RPAIN: variants seen among roughly 807,000 people sequenced by gnomAD.
RPAIN encodes the protein RPA-interacting protein.
Under a neutral mutation model 30.5 loss-of-function variants are expected in RPAIN, and 29 were observed. That is an observed-to-expected ratio of 0.95 (90% CI 0.71 to 1.30). The LOEUF (loss-of-function observed/expected upper bound fraction) is 1.30. RPAIN is among the 50% of genes most tolerant of loss of function. The pLI is 0.00. For synonymous variants in RPAIN, 101 were observed against 93.5 expected, an observed-to-expected ratio of 1.08 and a Z score of -0.46; for missense variants, 247 against 264.7, an observed-to-expected ratio of 0.93 and a Z score of 0.46.
intron 6 of RPAIN, chr17:5,431,893 AT>A (rs558888301): frequency 1.2e-4 from 38 of 322,530 alleles, no homozygotes; most frequent in South Asian, 9.4e-4. Context: ...CTACTGTTTA[AT>A]TATTGGAACG....
Position 5,428,573 on chromosome 17 carries a change from A to C in RPAIN, c.630+362A>C, listed in dbSNP as rs139101571. 282 of 1,161,286 alleles carry C rather than the reference A, an allele frequency of 2.4e-4. 1 individual carries two copies. The African/African-American group carries it at 4.0e-3, about 16-fold the overall frequency. 71.9% of individuals were successfully genotyped at this position (1,161,286 alleles called of 1,614,324 possible). Reference sequence around the variant, plus strand: ...CTTTTGCGGAAGGAAACAGGGCAGAAGCATAGCAGGGCAGCATTAGGTTTG... The same window carrying C: ...CTTTTGCGGAAGGAAACAGGGCAGACGCATAGCAGGGCAGCATTAGGTTTG... On this transcript the variant is annotated intron_variant, in intron 6 of 6. Coordinates refer to ENST00000381209, the MANE Select transcript of RPAIN (RefSeq NM_001033002.4).
At chr17:5,431,261 A>G (rs1029592760) in intron 6 of RPAIN, 27 of 357,056 alleles carry the variant, frequency 7.6e-5, no homozygotes, top group African/African-American at 5.1e-4. Context: ...CTGAGGTGGG[A>G]GGATCACTTG....
chr17:5,432,384 G>GGGGC, intron 6 of RPAIN, 158 bp from the exon 7 acceptor site: 1 of 660,516 alleles, frequency 1.5e-6, no homozygotes, highest in Non-Finnish European at 2.7e-6. Context: ...ATGCCAAAGA[G>GGGGC]GGGCGGTCAT....
At chr17:5,423,723 T>A (rs1371787183) in intron 3 of RPAIN, among the ~76,000 whole-genome samples, 3 of 152,144 alleles carry the variant, frequency 2.0e-5, no homozygotes, top group Non-Finnish European at 4.4e-5. Flanking sequence ...AGTCATTTAT[T>A]CCATGTAGCC....
intron 4 of RPAIN, 28 bp from the exon 5 acceptor site, chr17:5,426,208 T>A (rs757051670): frequency 5.6e-6 from 9 of 1,612,148 alleles, no homozygotes; most frequent in Admixed American, 1.7e-5. Flanking sequence ...GTGGCCATGA[T>A]GCTCTGGGAT....
intron 6 of RPAIN, chr17:5,430,969 T>C (rs2151672117): frequency 6.2e-6 from 1 of 160,634 alleles, no homozygotes; most frequent in Non-Finnish European, 1.4e-5. Flanking sequence ...AATTGCCAAG[T>C]GTACAGCTTC....
At chr17:5,420,836 G>T (rs1443221877) in intron 1 of RPAIN, among the ~76,000 whole-genome samples, 3 of 152,172 alleles carry the variant, frequency 2.0e-5, no homozygotes, top group Non-Finnish European at 2.9e-5. Flanking sequence ...CACGTCTCGG[G>T]CCTCCACCCA....
chr17:5,423,116 G>A (rs901035628), intron 3 of RPAIN: 8 of 269,650 alleles, frequency 3.0e-5, no homozygotes, highest in African/African-American at 6.6e-5. Context: ...TGGTGTTCTC[G>A]TGCAGGTCAT....
At chr17:5,424,471 C>T (rs1257021249) in intron 3 of RPAIN, among the ~76,000 whole-genome samples, 4 of 152,046 alleles carry the variant, frequency 2.6e-5, no homozygotes, top group Non-Finnish European at 4.4e-5. Context: ...GAGAGAATAC[C>T]CTATAAATTT....
intron 2 of RPAIN, chr17:5,421,700 A>G (rs1914858479): frequency 5.8e-6 from 2 of 343,686 alleles, no homozygotes; most frequent in East Asian, 9.3e-5. Flanking sequence ...TCATTTATGA[A>G]ACTAAAAAGA....
Position 5,432,844 on chromosome 17 carries a change from A to C in RPAIN, c.*273A>C. On this transcript the variant is annotated 3_prime_UTR_variant, in exon 7 of 7. Coordinates refer to ENST00000381209, the MANE Select transcript of RPAIN (RefSeq NM_001033002.4). ...AAATCTAGAAATAATAGATTTGTACAGAAAAAAATGATAATAAATGAGAAC... is the reference window on the plus strand; with the variant it reads ...AAATCTAGAAATAATAGATTTGTACCGAAAAAAATGATAATAAATGAGAAC... 1 of 954,960 alleles carries C rather than the reference A, an allele frequency of 1.0e-6. No individual in the cohort carries two copies. The highest frequency in any genetic ancestry group is 1.5e-6 in the Non-Finnish European group (1 of 675,172). 59.2% of individuals were successfully genotyped at this position (954,960 alleles called of 1,614,324 possible). A position where few individuals can be genotyped will look rare whatever the true frequency, so the allele number is the denominator to read the frequency against.
At chr17:5,425,119 A>T (rs564962092) in intron 3 of RPAIN, 1 of 336,118 alleles carries the variant, frequency 3.0e-6, no homozygotes, top group Non-Finnish European at 5.7e-6. Flanking sequence ...TAGACACTAC[A>T]TAAACAAATA....
chr17:5,427,653 CTTA>C (rs766206186), intron 5 of RPAIN: 249 of 161,760 alleles, frequency 1.5e-3, no homozygotes, highest in Non-Finnish European at 2.4e-3. Flanking sequence ...AAAAATAAAA[CTTA>C]TTATTTACAT....
intron 5 of RPAIN, 87 bp from the exon 6 acceptor site, chr17:5,427,984 G>T: frequency 7.5e-7 from 1 of 1,338,384 alleles, no homozygotes; most frequent in East Asian, 2.3e-5. Flanking sequence ...GTGAGCCACG[G>T]TTATATTGGT....
At chr17:5,427,704 T>TC (rs1287661660) in intron 5 of RPAIN, 1 of 223,320 alleles carries the variant, frequency 4.5e-6, no homozygotes, top group Non-Finnish European at 9.0e-6. Context: ...AGTAGGAAGT[T>TC]CAAGTAACCC....
intron 2 of RPAIN, 109 bp downstream of exon 2, chr17:5,421,575 C>T (rs1404984878): frequency 9.8e-6 from 9 of 915,042 alleles, no homozygotes; most frequent in African/African-American, 1.7e-5. Context: ...TTCCCCTAAC[C>T]CCATTTAGAA....
intron 5 of RPAIN, chr17:5,426,639 ATTTT>A (rs35657465): frequency 6.2e-4 from 93 of 148,954 alleles, no homozygotes; most frequent in South Asian, 2.7e-3. Flanking sequence ...AGCTTCAGTA[ATTTT>A]TTTTTTTTTT....
intron 3 of RPAIN, 46 bp from the exon 4 acceptor site, chr17:5,425,925 G>A: frequency 7.9e-7 from 1 of 1,265,516 alleles, no homozygotes. Flanking sequence ...TAAATACAGG[G>A]CCAGCTGAAG....
chr17:5,425,424 C>G (rs1174301996), intron 3 of RPAIN: 1 of 439,938 alleles, frequency 2.3e-6, no homozygotes, highest in Non-Finnish European at 4.5e-6. Flanking sequence ...CAACCTCCGC[C>G]TCCTGGGTTC....
Sources: allele counts gnomAD v4.1 joint callset (sites outside exome capture counted in the v4.1 genomes callset), GRCh38; gene constraint gnomAD v4.1.1; transcripts MANE v1.5; gene names NCBI Gene and HGNC (gene_info 2026-07-23, HGNC 2026-07-21).